The following LOXL2 variants were observed in gnomAD, a reference collection of about 807,000 sequenced individuals.
LOXL2 encodes the protein lysyl oxidase homolog 2.
In LOXL2, 70 loss-of-function variants were observed where a neutral mutation model predicts 93.0. That is an observed-to-expected ratio of 0.75 (90% CI 0.62 to 0.92). LOXL2 has a LOEUF of 0.92. Ranked by LOEUF, LOXL2 falls within the 40% of genes least tolerant of loss-of-function variation. The pLI, the probability that LOXL2 is intolerant of heterozygous loss-of-function variation, is 0.00. For synonymous variants in LOXL2, 438 were observed against 413.2 expected, an observed-to-expected ratio of 1.06 and a Z score of -0.73; for missense variants, 973 against 1,054.9, an observed-to-expected ratio of 0.92 and a Z score of 1.08.
At chr8:23,342,173 C>A (rs1359590350) in intron 3 of LOXL2, among the ~76,000 whole-genome samples, 1 of 152,174 alleles carries the variant, frequency 6.6e-6, no homozygotes, top group Non-Finnish European at 1.5e-5. Flanking sequence ...ACCACCTAGA[C>A]CTGAGTCCCA....
chr8:23,309,975 T>G lies in LOXL2; in HGVS notation c.1637-64A>C. 2.1e-6 allele frequency: 3 copies of G among 1,399,008 alleles called. No individual in the cohort carries two copies. The South Asian group carries it at 5.3e-5, about 25-fold the overall frequency. 86.7% of individuals were successfully genotyped at this position (1,399,008 alleles called of 1,614,324 possible). ...CCCTCCCCAGGGCTTCTACTTCTGA[T>G]TCTTGAGCTGGGACAAACCCCCTCT... On this transcript the variant is annotated intron_variant, in intron 9 of 13. Transcript: ENST00000389131.
rs779016804 is a variant in LOXL2, at chr8:23,328,453, G to A, written c.1079C>T (p.Ala360Val). The change falls in exon 6 of 14, where the codon GCC (alanine) becomes GTC (valine). Residue 360 changes from alanine to valine, a missense_variant. Transcript: ENST00000389131. ...VCDDKWDLVSASVVCRELGFG... is the reference protein window; with the variant it reads ...VCDDKWDLVSVSVVCRELGFG... ...GCCCAGCTCTCTGCAGACCACACTG[G>A]CCGACACCAGGTCCCACTTGTCGTC... 2 of 1,613,936 alleles carry A rather than the reference G, an allele frequency of 1.2e-6. No individual in the cohort carries two copies.
At chr8:23,370,513 A>G (rs1804476828) in intron 1 of LOXL2, 2 of 152,260 alleles carry the variant, frequency 1.3e-5, no homozygotes, top group Non-Finnish European at 2.9e-5. Context: ...CTACCTGCCA[A>G]GAACAACTAG....
chr8:23,345,669 C>A (rs1803958823), intron 3 of LOXL2, among the ~76,000 whole-genome samples: 1 of 124,414 alleles, frequency 8.0e-6, no homozygotes, highest in Non-Finnish European at 1.6e-5. Flanking sequence ...ATACATTTTG[C>A]CCCAGGAGTT....
At chr8:23,299,804 G>A (rs547317155) in intron 12 of LOXL2, among the ~76,000 whole-genome samples, 1 of 152,284 alleles carries the variant, frequency 6.6e-6, no homozygotes, top group Admixed American at 6.5e-5. Flanking sequence ...CTAAATTTGG[G>A]GCCCCAGAAG....
intron 1 of LOXL2, among the ~76,000 whole-genome samples, chr8:23,401,918 C>T (rs1203838660): frequency 3.3e-5 from 5 of 152,268 alleles, no homozygotes; most frequent in African/African-American, 1.2e-4. Context: ...TCATACTCAA[C>T]TTTGCCACTC....
intron 1 of LOXL2, among the ~76,000 whole-genome samples, chr8:23,402,160 GCACACACATTGCGTGCA>G (rs1800159765): frequency 1.3e-5 from 2 of 151,962 alleles, no homozygotes; most frequent in Non-Finnish European, 1.5e-5. Context: ...GAATACATAT[GCACACACATTGCGTGCA>G]CACACACGTG....
chr8:23,391,343 G>A (rs892671474), intron 1 of LOXL2, among the ~76,000 whole-genome samples: 17 of 152,124 alleles, frequency 1.1e-4, no homozygotes, highest in Non-Finnish European at 2.4e-4. Flanking sequence ...ATTCAAATCT[G>A]GCTTCTGCAA....
Position 23,297,726 on chromosome 8 carries a change from A to T in LOXL2, c.*317T>A. The T allele has an allele frequency of 4.5e-6, 1 of 220,784 alleles. No homozygotes were observed. Among genetic ancestry groups the T allele is most frequent in the South Asian group, 1.4e-4 (1 of 7,262 alleles). 13.7% of individuals were successfully genotyped at this position (220,784 alleles called of 1,614,324 possible). A position where few individuals can be genotyped will look rare whatever the true frequency, so the allele number is the denominator to read the frequency against. On this transcript the variant is annotated 3_prime_UTR_variant, in exon 14 of 14. Coordinates refer to ENST00000389131, the MANE Select transcript of LOXL2 (RefSeq NM_002318.3). Reference sequence around the variant, plus strand: ...TGTCTGTGGTGAGCTCGGTGGCTTGAATGGGACAAGCTGATGACAACCTGT... The same window carrying T: ...TGTCTGTGGTGAGCTCGGTGGCTTGTATGGGACAAGCTGATGACAACCTGT...
intron 3 of LOXL2, among the ~76,000 whole-genome samples, chr8:23,356,737 CT>C (rs1352374945): frequency 6.6e-6 from 1 of 152,162 alleles, no homozygotes; most frequent in Non-Finnish European, 1.5e-5. Context: ...AGAGGGAGGC[CT>C]TCTAGGAAAA....
At position 23,396,052 on chromosome 8, in the gene LOXL2, G is replaced by A. The variant is rs1006159066; in HGVS notation, c.-84+7902C>T. The stretch of plus-strand genomic sequence containing the variant: ...TAAGAAGAGAGAGAAGTCTGGGCAC[G>A]GTGGCTTACACCTGTAATTCCAGCA... On this transcript the variant is annotated intron_variant, in intron 1 of 13. Transcript: ENST00000389131. 3.0e-4 allele frequency among the ~76,000 whole-genome samples: 46 copies of A among 152,076 alleles called. 1 individual carries two copies. The highest frequency in any genetic ancestry group is 2.5e-3 in the Admixed American group (38 of 15,264).
intron 3 of LOXL2, among the ~76,000 whole-genome samples, chr8:23,359,371 CTT>C (rs1389751441): frequency 1.3e-5 from 2 of 152,190 alleles, no homozygotes; most frequent in Non-Finnish European, 2.9e-5. Context: ...ATCCTGTGTT[CTT>C]TCTCTCACTC....
chr8:23,385,972 G>T, intron 1 of LOXL2: 1 of 765,266 alleles, frequency 1.3e-6, no homozygotes, highest in Non-Finnish European at 2.4e-6. Context: ...GCCCCATATG[G>T]TGGTGGCTGC....
intron 3 of LOXL2, among the ~76,000 whole-genome samples, chr8:23,359,001 C>T (rs960325533): frequency 1.3e-5 from 2 of 152,110 alleles, no homozygotes; most frequent in Non-Finnish European, 2.9e-5. Flanking sequence ...ACAACAACGT[C>T]TGGCTATTTT....
intron 9 of LOXL2, among the ~76,000 whole-genome samples, chr8:23,316,440 C>A (rs1803402221): frequency 1.3e-5 from 2 of 152,150 alleles, no homozygotes; most frequent in South Asian, 2.1e-4. Context: ...CTTCTCTCAG[C>A]ATGGGAGGGA....
chr8:23,321,850 G>T, intron 7 of LOXL2: 1 of 397,930 alleles, frequency 2.5e-6, no homozygotes, highest in South Asian at 3.9e-5. Context: ...CCTGTCTTTG[G>T]AGGTGGTGGG....
chr8:23,387,169 TCCC>T (rs1804777488), intron 1 of LOXL2, among the ~76,000 whole-genome samples: 1 of 152,154 alleles, frequency 6.6e-6, no homozygotes, highest in Non-Finnish European at 1.5e-5. Flanking sequence ...GGAGAAATTA[TCCC>T]CCAATATGGT....
In LOXL2 at chr8:23,356,426, C is replaced by T. The variant is rs577442070; in HGVS notation, c.531+3664G>A. 6.6e-5 allele frequency among the ~76,000 whole-genome samples: 10 copies of T among 152,340 alleles called. No individual in the cohort carries two copies. In the East Asian group the frequency reaches 1.9e-3, roughly 29 times the overall value. On this transcript the variant is annotated intron_variant, in intron 3 of 13. Transcript: ENST00000389131. Reference sequence around the variant, plus strand: ...TCCAGAAGGTATTTTGGAGAAACGTCTCAGCATCCCATAAATATCCCACGT... The same window carrying T: ...TCCAGAAGGTATTTTGGAGAAACGTTTCAGCATCCCATAAATATCCCACGT...
At chr8:23,366,309 C>T (rs1804400149) in intron 2 of LOXL2, among the ~76,000 whole-genome samples, 1 of 152,232 alleles carries the variant, frequency 6.6e-6, no homozygotes, top group Non-Finnish European at 1.5e-5. Flanking sequence ...GCTAACTTCA[C>T]TGCTGTGGCT....
Sources: allele counts gnomAD v4.1 joint callset (sites outside exome capture counted in the v4.1 genomes callset), GRCh38; gene constraint gnomAD v4.1.1; transcripts MANE v1.5; gene names NCBI Gene and HGNC (gene_info 2026-07-23, HGNC 2026-07-21).